Variants in SUPT20H observed in about 807,000 individuals in gnomAD.
SUPT20H encodes transcription factor SPT20 homolog.
A neutral mutation model predicts 122.8 loss-of-function variants in SUPT20H; 82 were observed. That is an observed-to-expected ratio of 0.67 (90% CI 0.56 to 0.80). The LOEUF is 0.80. Among genes scored for constraint, SUPT20H ranks in the 30% least tolerant of loss-of-function variants. The pLI is 0.00. For missense variants in SUPT20H, 831 were observed against 921.6 expected (o/e 0.90, Z 1.27); for synonymous variants, 291 against 313.0 (o/e 0.93, Z 0.74).
Position 37,047,571 on chromosome 13 carries a change from C to T in SUPT20H, c.129G>A (p.Leu43=). 1.4e-6 allele frequency: 2 copies of T among 1,429,340 alleles called. No homozygotes were observed. Among genetic ancestry groups the T allele is most frequent in the Non-Finnish European group, 1.9e-6 (2 of 1,070,530 alleles). The allele number at this position is 1,429,340 out of a possible 1,614,324, so 88.5% of individuals were successfully genotyped here. Residue 43 remains leucine, a synonymous_variant, in exon 5 of 26, where the codon TTG becomes TTA. Coordinates refer to ENST00000350612, the MANE Select transcript of SUPT20H (RefSeq NM_001014286.3). The part of the protein sequence containing the change: ...RKSVFQKLYD[L]YIEECEKEPE... ...GTTCTTTTTCACATTCTTCAATATA[C>T]AAGTCATAAAGTTTTTGAAATACAG...
At chr13:37,049,394 T>A (rs1053299722) in intron 2 of SUPT20H, among the ~76,000 whole-genome samples, 4 of 152,164 alleles carry the variant, frequency 2.6e-5, no homozygotes, top group African/African-American at 9.7e-5. Flanking sequence ...TCTTCATTTG[T>A]AAAGCCATCA....
chr13:37,014,585 G>A (rs567998582), intron 23 of SUPT20H, among the ~76,000 whole-genome samples: 2 of 152,148 alleles, frequency 1.3e-5, no homozygotes, highest in Admixed American at 1.3e-4. Flanking sequence ...AAATTCCCAA[G>A]TATTTGGAAA....
chr13:37,022,110 A>T lies in SUPT20H; in HGVS notation c.1592-30T>A. ...AGTTATAGATGTTACCATGGTGGAA[A>T]GAGGAATGGTTGTTACAGGCATTGC... is the stretch of plus-strand genomic sequence containing the variant. On this transcript the variant is annotated intron_variant, in intron 19 of 25. Transcript: ENST00000350612. The surrounding 1 kb of genome is among the most constrained non-coding windows in gnomAD (Gnocchi z 4.5). The T allele has an allele frequency of 6.2e-7, 1 of 1,614,154 alleles. No individual in the cohort carries two copies.
rs770713073 is a variant in SUPT20H, at chr13:37,026,216, G to T, written c.1199C>A (p.Thr400Asn). 2.6e-6 allele frequency: 4 copies of T among 1,539,510 alleles called. No homozygotes were observed. The highest frequency in any genetic ancestry group is 4.8e-5 in the Admixed American group (2 of 42,072). The change falls in exon 16 of 26, where the codon ACC becomes AAC. Residue 400 changes from threonine to asparagine, a missense_variant. Thr to Asn is a moderately conservative substitution (Grantham distance 65, BLOSUM62 0). Coordinates refer to ENST00000350612, the MANE Select transcript of SUPT20H (RefSeq NM_001014286.3). ...CAAATATTTTTACCTCTCAGCATCGGTCTTTGATCCAATAATGAACCTAAA... is the reference window on the plus strand; with the variant it reads ...CAAATATTTTTACCTCTCAGCATCGTTCTTTGATCCAATAATGAACCTAAA... ...HSNWFIIGSKTDAERVVNQYQ... is the reference protein window; with the variant it reads ...HSNWFIIGSKNDAERVVNQYQ...
chr13:37,033,671 T>G, intron 9 of SUPT20H, 83 bp from the exon 10 acceptor site: 2 of 1,416,328 alleles, frequency 1.4e-6, no homozygotes, highest in Non-Finnish European at 9.5e-7. Context: ...TCTAGAAATA[T>G]TCCCTGGAAT....
At chr13:37,055,373 A>C (rs960293555) in intron 1 of SUPT20H, among the ~76,000 whole-genome samples, 3 of 152,148 alleles carry the variant, frequency 2.0e-5, no homozygotes, top group Non-Finnish European at 4.4e-5. Flanking sequence ...ACTATACTAC[A>C]AGGCTACATT....
At chr13:37,059,149 CAG>C (rs1240567940) in intron 1 of SUPT20H, 3 of 152,272 alleles carry the variant, frequency 2.0e-5, no homozygotes, top group African/African-American at 4.8e-5. Context: ...CCTGATCGAC[CAG>C]AGTCTTCCCA....
chr13:37,027,491 T>C (rs2062506909), intron 14 of SUPT20H, among the ~76,000 whole-genome samples: 2 of 152,146 alleles, frequency 1.3e-5, no homozygotes, highest in East Asian at 3.8e-4. Flanking sequence ...GTAGTTTCAA[T>C]TAGTATTTTG....
intron 13 of SUPT20H, among the ~76,000 whole-genome samples, chr13:37,029,163 A>G (rs1429897889): frequency 6.6e-6 from 1 of 152,160 alleles, no homozygotes; most frequent in Non-Finnish European, 1.5e-5. Flanking sequence ...AGAAGAATTT[A>G]TTAATTAGAA....
chr13:37,026,087 T>G, intron 16 of SUPT20H, 117 bp downstream of exon 16: 1 of 773,546 alleles, frequency 1.3e-6, no homozygotes, highest in Non-Finnish European at 2.1e-6. Context: ...ACAGTGTAAA[T>G]ATGGTTAACA....
chr13:37,022,013 A>G lies in SUPT20H; in HGVS notation c.1659T>C (p.Val553=). ...TCCGAACATCAATGCAAACTTACCAAACAGAGCCCACTACATTGATGAAGT... is the reference window on the plus strand; with the variant it reads ...TCCGAACATCAATGCAAACTTACCAGACAGAGCCCACTACATTGATGAAGT... ...GLNFINVVGS[V]CGAQALMSGS... The change falls in exon 20 of 26, where the codon GTT becomes GTC. Residue 553 remains valine (V), a splice_region_variant and synonymous_variant. Coordinates refer to ENST00000350612, the MANE Select transcript of SUPT20H (RefSeq NM_001014286.3). The surrounding 1 kb of genome is among the most constrained non-coding windows in gnomAD (Gnocchi z 4.5). 1.9e-6 allele frequency: 3 copies of G among 1,580,720 alleles called. No homozygotes were observed. The highest frequency in any genetic ancestry group is 2.6e-6 in the Non-Finnish European group (3 of 1,160,452).
chr13:37,048,707 CTTTA>C (rs1482820167), intron 2 of SUPT20H, 108 bp from the exon 3 acceptor site: 9 of 904,374 alleles, frequency 1.0e-5, no homozygotes, highest in South Asian at 4.0e-5. Context: ...ATATATTTTC[CTTTA>C]TTTGTCTCCT....
At chr13:37,041,172 T>C (rs937700292) in intron 7 of SUPT20H, among the ~76,000 whole-genome samples, 1 of 152,226 alleles carries the variant, frequency 6.6e-6, no homozygotes, top group African/African-American at 2.4e-5. Context: ...AAATATAATT[T>C]TGCCCTTAGC....
Position 37,031,593 on chromosome 13 carries a change from T to C in SUPT20H, c.895A>G (p.Asn299Asp). The C allele has an allele frequency of 6.4e-7, 1 of 1,565,688 alleles. No individual in the cohort carries two copies. The highest frequency in any genetic ancestry group is 8.6e-7 in the Non-Finnish European group (1 of 1,164,920). ...TCTACTTCAGAAGGTATGGCCAAAT[T>C]ACAGGGACTCCGTTTCCACATATCT... Reference protein sequence around the residue: ...CVDMWKRSPCNLAIPSEVDVE... With the variant: ...CVDMWKRSPCDLAIPSEVDVE... The change falls in exon 12 of 26, where the codon AAT (asparagine) becomes GAT (aspartate). Residue 299 changes from asparagine to aspartate, a missense_variant. Coordinates refer to ENST00000350612, the MANE Select transcript of SUPT20H (RefSeq NM_001014286.3).
intron 9 of SUPT20H, among the ~76,000 whole-genome samples, chr13:37,034,082 T>A (rs73541731): frequency 0.012 from 1,857 of 152,298 alleles, 27 homozygotes; most frequent in African/African-American, 0.042. Context: ...CCCCTATCTT[T>A]CTCCTTCTTC....
rs764743252 is a variant in SUPT20H at position 37,022,444 on chromosome 13, G to GC, written c.1592-365dup. 3.5e-5 allele frequency: 45 copies of GC among 1,301,228 alleles called. No individual in the cohort carries two copies. Among genetic ancestry groups the GC allele is most frequent in the Non-Finnish European group, 4.2e-5 (43 of 1,027,704 alleles). The allele number at this position is 1,301,228 out of a possible 1,614,324, so 80.6% of individuals were successfully genotyped here. On this transcript the variant is annotated intron_variant, in intron 19 of 25. Transcript: ENST00000350612. The surrounding 1 kb of genome is among the most constrained non-coding windows in gnomAD (Gnocchi z 4.5). ...GTTTTTTTTTTTTTAGCAGTTAACT[G>GC]CAAGTGTTAATTTCTACACATGATA...
At chr13:37,047,781 A>G in intron 4 of SUPT20H, 97 bp downstream of exon 4, 2 of 1,316,672 alleles carry the variant, frequency 1.5e-6, no homozygotes, top group South Asian at 1.6e-5. Context: ...CAAAGAACCT[A>G]TAAAATTTCT....
At chr13:37,052,132 A>G (rs1161137534) in intron 1 of SUPT20H, among the ~76,000 whole-genome samples, 1 of 152,192 alleles carries the variant, frequency 6.6e-6, no homozygotes, top group Non-Finnish European at 1.5e-5. Flanking sequence ...ATTCAATGCT[A>G]TTACCATCAA....
chr13:37,019,704 G>C (rs1187905577), intron 21 of SUPT20H, among the ~76,000 whole-genome samples: 4 of 152,144 alleles, frequency 2.6e-5, no homozygotes, highest in African/African-American at 9.7e-5. Context: ...TGAACACCAT[G>C]AATATAACAA....
Sources: allele counts gnomAD v4.1 joint callset (sites outside exome capture counted in the v4.1 genomes callset), GRCh38; gene constraint gnomAD v4.1.1; non-coding constraint Gnocchi (gnomAD v3.1); transcripts MANE v1.5; gene names NCBI Gene and HGNC (gene_info 2026-07-23, HGNC 2026-07-21).